GABRB3: variants seen among roughly 807,000 people sequenced by gnomAD.
The protein encoded by GABRB3 is gamma-aminobutyric acid type A receptor subunit beta3, also known as gamma-aminobutyric acid receptor subunit beta-3.
GABRB3 carries 14 observed loss-of-function variants against 52.1 expected under a neutral mutation model. The ratio of observed to expected loss-of-function variants is 0.27; its 90% confidence interval spans 0.18 to 0.42. The LOEUF (loss-of-function observed/expected upper bound fraction) is 0.42. GABRB3 is among the 10% of genes least tolerant of loss of function. GABRB3 has a pLI of 1.00. For synonymous variants in GABRB3, 260 were observed against 232.3 expected (o/e 1.12, Z -1.08); for missense variants, 307 against 609.1 (o/e 0.50, Z 5.22).
intron 3 of GABRB3, among the ~76,000 whole-genome samples, chr15:26,631,434 G>GA (rs1409988741): frequency 6.6e-6 from 1 of 152,134 alleles, no homozygotes; most frequent in East Asian, 1.9e-4. Flanking sequence ...AGGAAATGAA[G>GA]AAAAAATTTA....
chr15:26,657,992 T>C (rs1229874217), intron 3 of GABRB3, among the ~76,000 whole-genome samples: 4 of 152,204 alleles, frequency 2.6e-5, no homozygotes, highest in Admixed American at 2.0e-4. Flanking sequence ...TAGGGAGTCA[T>C]GCAGCCAGAG....
intron 3 of GABRB3, among the ~76,000 whole-genome samples, chr15:26,640,248 T>A (rs1430590605): frequency 6.6e-6 from 1 of 152,162 alleles, no homozygotes; most frequent in Non-Finnish European, 1.5e-5. Context: ...CCGGGCGCGG[T>A]GGCTCATGCC....
chr15:26,629,104 C>G, intron 3 of GABRB3: 1 of 1,535,472 alleles, frequency 6.5e-7, no homozygotes, highest in Non-Finnish European at 8.7e-7. Context: ...GCTTCCTCTC[C>G]ATCTCTGCTC....
At chr15:26,733,000 A>T (rs1183837363) in intron 3 of GABRB3, among the ~76,000 whole-genome samples, 1 of 26,440 alleles carries the variant, frequency 3.8e-5, no homozygotes, top group Non-Finnish European at 8.0e-5. Context: ...CTTGTCTCTA[A>T]TAGAAAAAAA....
chr15:26,570,504 C>A (rs7174566), intron 6 of GABRB3, among the ~76,000 whole-genome samples: 3 of 152,034 alleles, frequency 2.0e-5, no homozygotes, highest in African/African-American at 7.2e-5. Flanking sequence ...AAATCTTCTA[C>A]GGCTCATTGC....
intron 8 of GABRB3, among the ~76,000 whole-genome samples, chr15:26,555,541 A>C (rs990439383): frequency 1.3e-5 from 2 of 152,220 alleles, no homozygotes; most frequent in Non-Finnish European, 2.9e-5. Flanking sequence ...AAGGAAACTT[A>C]GACTGAGGGA....
chr15:26,746,552 T>C (rs892560620), intron 3 of GABRB3, among the ~76,000 whole-genome samples: 5 of 151,566 alleles, frequency 3.3e-5, no homozygotes, highest in African/African-American at 1.2e-4. Flanking sequence ...TTTTCCGAAG[T>C]TTTACATTTT....
intron 3 of GABRB3, among the ~76,000 whole-genome samples, chr15:26,717,201 T>A (rs534532333): frequency 6.7e-6 from 1 of 148,468 alleles, no homozygotes; most frequent in Admixed American, 6.7e-5. Context: ...ACAGCCCAGC[T>A]CTGGGGACCT....
chr15:26,726,340 T>TA (rs1335701507), intron 3 of GABRB3, among the ~76,000 whole-genome samples: 2 of 152,210 alleles, frequency 1.3e-5, no homozygotes, highest in Non-Finnish European at 2.9e-5. Flanking sequence ...GTTAACATCT[T>TA]ACATAACTGC....
At chr15:26,733,396 A>T (rs1270835513) in intron 3 of GABRB3, among the ~76,000 whole-genome samples, 2 of 152,192 alleles carry the variant, frequency 1.3e-5, no homozygotes, top group Non-Finnish European at 2.9e-5. Flanking sequence ...AAGTTACAGA[A>T]ATAATTTTAT....
chr15:26,628,720 C>A (rs2140554456), intron 3 of GABRB3, among the ~76,000 whole-genome samples: 1 of 152,204 alleles, frequency 6.6e-6, no homozygotes, highest in African/African-American at 2.4e-5. Flanking sequence ...AAACAAAAAA[C>A]CAACCAGCGC....
At chr15:26,699,440 G>A (rs1888854559) in intron 3 of GABRB3, among the ~76,000 whole-genome samples, 1 of 151,724 alleles carries the variant, frequency 6.6e-6, no homozygotes, top group South Asian at 2.1e-4. Context: ...TACCAGACAA[G>A]TAAGGAAGCA....
intron 4 of GABRB3, chr15:26,615,447 AC>A: frequency 1.0e-6 from 1 of 986,758 alleles, no homozygotes; most frequent in Non-Finnish European, 1.2e-6. Flanking sequence ...AGCTAGTGTT[AC>A]CCCAAGTTTC....
chr15:26,764,025 C>T lies in GABRB3; in HGVS notation c.240+8377G>A, dbSNP rs150839538. ...ATTAGCCAGCCACGGTGGCATGAGCCTGTAATCCCAGCTACTGGAGAGGCT... is the reference window on the plus strand; with the variant it reads ...ATTAGCCAGCCACGGTGGCATGAGCTTGTAATCCCAGCTACTGGAGAGGCT... On this transcript the variant is annotated intron_variant, in intron 3 of 8. Coordinates refer to ENST00000311550, the MANE Select transcript of GABRB3 (RefSeq NM_000814.6). Among the ~76,000 whole-genome samples the T allele has an allele frequency of 5.2e-4, 79 of 151,062 alleles. No homozygotes were observed. In the East Asian group the frequency reaches 0.012, roughly 22 times the overall value.
intron 4 of GABRB3, chr15:26,612,248 T>C (rs1283811862): frequency 6.6e-6 from 1 of 151,994 alleles, no homozygotes; most frequent in African/African-American, 2.4e-5. Flanking sequence ...AAGGTGGAAA[T>C]ACAATAAAAC....
At chr15:26,608,260 C>T (rs1891919240) in intron 4 of GABRB3, among the ~76,000 whole-genome samples, 1 of 152,004 alleles carries the variant, frequency 6.6e-6, no homozygotes, top group Non-Finnish European at 1.5e-5. Context: ...TATCCATATT[C>T]AGAAGAATGA....
At position 26,547,412 on chromosome 15, in the gene GABRB3, T is replaced by G. The variant is rs1290684434; in HGVS notation, c.*381A>C. On this transcript the variant is annotated 3_prime_UTR_variant, in exon 9 of 9. Transcript: ENST00000311550. ...CAAGACACATTTGGGGATGATATTGTGTTTCACGCCCTCATTCTCAAGGCA... is the reference window on the plus strand; with the variant it reads ...CAAGACACATTTGGGGATGATATTGGGTTTCACGCCCTCATTCTCAAGGCA... 4.6e-6 allele frequency: 2 copies of G among 436,396 alleles called. No homozygotes were observed. Among genetic ancestry groups the G allele is most frequent in the Non-Finnish European group, 8.1e-6 (2 of 247,944 alleles). The allele number at this position is 436,396 out of a possible 1,614,324, so 27.0% of individuals were successfully genotyped here. A position where few individuals can be genotyped will look rare whatever the true frequency, so the allele number is the denominator to read the frequency against.
intron 3 of GABRB3, among the ~76,000 whole-genome samples, chr15:26,770,999 G>C (rs1348179771): frequency 6.6e-6 from 1 of 152,088 alleles, no homozygotes; most frequent in Admixed American, 6.5e-5. Context: ...AATGTCCTAA[G>C]TGATATACTT....
chr15:26,746,966 G>A (rs1302051940), intron 3 of GABRB3, among the ~76,000 whole-genome samples: 4 of 151,944 alleles, frequency 2.6e-5, no homozygotes, highest in Non-Finnish European at 4.4e-5. Flanking sequence ...CAGCCTGGGC[G>A]ACAGAGCAAG....
Sources: gnomAD v4.1 joint callset for allele counts (sites outside exome capture counted in the v4.1 genomes callset) on GRCh38, gnomAD v4.1.1 for gene constraint, MANE v1.5 for transcripts, NCBI Gene and HGNC (gene_info 2026-07-23, HGNC 2026-07-21) for gene names.